Variants in FBXO38 observed in about 807,000 individuals in gnomAD.
FBXO38 encodes the protein F-box protein 38, also known as F-box only protein 38.
A neutral mutation model predicts 131.9 loss-of-function variants in FBXO38; 53 were observed. The ratio of observed to expected loss-of-function variants is 0.40; its 90% confidence interval spans 0.32 to 0.51. FBXO38 has a LOEUF of 0.51. Among genes scored for constraint, FBXO38 ranks in the 20% least tolerant of loss-of-function variants. The pLI, the probability that FBXO38 is intolerant of heterozygous loss-of-function variation, is 0.53. For missense variants in FBXO38, 1,076 were observed against 1,475.6 expected (o/e 0.73, Z 4.44); for synonymous variants, 452 against 505.6 (o/e 0.89, Z 1.42).
intron 12 of FBXO38, 84 bp from the exon 13 acceptor site, chr5:148,423,914 T>C: frequency 7.5e-7 from 1 of 1,329,712 alleles, no homozygotes; most frequent in African/African-American, 1.5e-5. Flanking sequence ...GACTGTTCAG[T>C]TCTTAGGGCG....
chr5:148,400,271 A>G (rs1752071990), intron 3 of FBXO38, among the ~76,000 whole-genome samples: 1 of 152,128 alleles, frequency 6.6e-6, no homozygotes, highest in African/African-American at 2.4e-5. Flanking sequence ...ATGTCAGGAA[A>G]GAAAAAAAAT....
intron 14 of FBXO38, 110 bp downstream of exon 14, chr5:148,425,811 C>A: frequency 2.2e-6 from 2 of 924,120 alleles, no homozygotes; most frequent in East Asian, 2.6e-5. Flanking sequence ...CGGAATGTGA[C>A]AGGAAGCAAG....
At chr5:148,438,277 G>A in intron 17 of FBXO38, 55 bp from the exon 18 acceptor site, 1 of 1,525,712 alleles carries the variant, frequency 6.6e-7, no homozygotes, top group Non-Finnish European at 8.9e-7. Flanking sequence ...ACAAAAATTA[G>A]GCCATCTCTC....
At chr5:148,425,170 T>G (rs1753642317) in intron 13 of FBXO38, among the ~76,000 whole-genome samples, 1 of 152,200 alleles carries the variant, frequency 6.6e-6, no homozygotes, top group Non-Finnish European at 1.5e-5. Flanking sequence ...TAGCTTAGTT[T>G]TAAAATTATT....
chr5:148,427,177 C>T lies in FBXO38; in HGVS notation c.1919-36C>T, dbSNP rs774788031. The T allele has an allele frequency of 2.0e-6, 3 of 1,538,374 alleles. No individual in the cohort carries two copies. The East Asian group carries it at 6.8e-5, about 35-fold the overall frequency. On this transcript the variant is annotated intron_variant, in intron 14 of 21. Coordinates refer to ENST00000340253, the MANE Select transcript of FBXO38 (RefSeq NM_205836.3). ...TCCAGAATTTATACTGAAATCTTTTCTTTTCCTCGGGCCGTTCTTCTTTTT... is the reference window on the plus strand; with the variant it reads ...TCCAGAATTTATACTGAAATCTTTTTTTTTCCTCGGGCCGTTCTTCTTTTT...
At chr5:148,414,008 A>G (rs1180039552) in intron 9 of FBXO38, 128 bp from the exon 10 acceptor site, 25 of 756,130 alleles carry the variant, frequency 3.3e-5, no homozygotes, top group Middle Eastern at 8.0e-4. Flanking sequence ...CCTGAACCCA[A>G]TGATAAGCAG....
chr5:148,416,968 A>G (rs779896301), intron 11 of FBXO38, 26 bp from the exon 12 acceptor site: 1 of 1,495,890 alleles, frequency 6.7e-7, no homozygotes, highest in Non-Finnish European at 9.3e-7. Flanking sequence ...AAATTAATAA[A>G]CGTATGTGTT....
chr5:148,387,195 T>C (rs1319689616), intron 1 of FBXO38, among the ~76,000 whole-genome samples: 1 of 152,270 alleles, frequency 6.6e-6, no homozygotes, highest in Non-Finnish European at 1.5e-5. Context: ...TGCTGCCGTA[T>C]CAACTGAGTT....
At chr5:148,406,444 T>A in intron 7 of FBXO38, 50 bp downstream of exon 7, 1 of 1,400,972 alleles carries the variant, frequency 7.1e-7, no homozygotes, top group South Asian at 1.5e-5. Flanking sequence ...CAACTTAAAA[T>A]AATCATTAAG....
chr5:148,412,047 A>G (rs1257982076), intron 9 of FBXO38, among the ~76,000 whole-genome samples: 3 of 152,090 alleles, frequency 2.0e-5, no homozygotes, highest in Admixed American at 2.0e-4. Context: ...TTCATAACCA[A>G]TTATTTTCCT....
chr5:148,431,394 C>A (rs532020207), intron 15 of FBXO38, among the ~76,000 whole-genome samples: 1 of 152,154 alleles, frequency 6.6e-6, no homozygotes, highest in East Asian at 1.9e-4. Context: ...TATAACTTTG[C>A]CTAGAAAATG....
intron 18 of FBXO38, 126 bp from the exon 19 acceptor site, chr5:148,439,521 T>C: frequency 1.1e-6 from 1 of 942,790 alleles, no homozygotes. Context: ...AATGTGACTA[T>C]TTGATTTTCA....
At chr5:148,408,974 T>C (rs980058570) in intron 7 of FBXO38, 150 bp from the exon 8 acceptor site, 13 of 543,706 alleles carry the variant, frequency 2.4e-5, no homozygotes, top group East Asian at 5.8e-5. Flanking sequence ...ATAATTCATC[T>C]TAAGATATTA....
At chr5:148,411,336 C>T (rs1210750459) in intron 9 of FBXO38, among the ~76,000 whole-genome samples, 1 of 152,168 alleles carries the variant, frequency 6.6e-6, no homozygotes, top group African/African-American at 2.4e-5. Flanking sequence ...GGTTTGAATG[C>T]ATGTCAATTC....
In FBXO38 at chr5:148,385,441, GAAATA is replaced by G. The variant is rs1757860704; in HGVS notation, c.-64+1407_-64+1411del. ...CTAAAATGAAATAAGGTGGTATAGT[GAAATA>G]AAATTAAAAAGGAGTTGAAGACCTG... On this transcript the variant is annotated intron_variant, in intron 1 of 21. Transcript: ENST00000340253. Among the ~76,000 whole-genome samples, 4 of 152,176 alleles carry G rather than the reference GAAATA, an allele frequency of 2.6e-5. No homozygotes were observed. The South Asian group carries it at 8.3e-4, about 32-fold the overall frequency.
intron 15 of FBXO38, among the ~76,000 whole-genome samples, chr5:148,431,586 G>A (rs924879786): frequency 6.6e-6 from 1 of 152,178 alleles, no homozygotes; most frequent in African/African-American, 2.4e-5. Flanking sequence ...GTGGAAACAG[G>A]CTTGCTTTTT....
chr5:148,396,852 C>G (rs1438900484), intron 2 of FBXO38, among the ~76,000 whole-genome samples: 1 of 152,118 alleles, frequency 6.6e-6, no homozygotes, highest in East Asian at 1.9e-4. Flanking sequence ...GCAATCCTCC[C>G]ATTTTGGCCT....
chr5:148,409,546 C>A (rs1045901161), intron 8 of FBXO38, among the ~76,000 whole-genome samples: 2 of 152,148 alleles, frequency 1.3e-5, no homozygotes, highest in African/African-American at 4.8e-5. Context: ...CCTCTCAGGA[C>A]CATTGTCTCC....
At chr5:148,426,737 T>C (rs968302479) in intron 14 of FBXO38, among the ~76,000 whole-genome samples, 3 of 152,180 alleles carry the variant, frequency 2.0e-5, no homozygotes, top group Non-Finnish European at 4.4e-5. Context: ...TTACAGAAGT[T>C]CTAGTCTAGT....
Sources: gnomAD v4.1 joint callset for allele counts (sites outside exome capture counted in the v4.1 genomes callset) on GRCh38, gnomAD v4.1.1 for gene constraint, MANE v1.5 for transcripts, NCBI Gene and HGNC (gene_info 2026-07-23, HGNC 2026-07-21) for gene names.